The following CDK6 variants were observed in gnomAD, a reference collection of about 807,000 sequenced individuals.
CDK6 encodes cyclin dependent kinase 6, also known as cyclin-dependent kinase 6.
Under a neutral mutation model 37.1 loss-of-function variants are expected in CDK6, and 6 were observed. That is an observed-to-expected ratio of 0.16 (90% CI 0.09 to 0.32). The LOEUF is 0.32. Ranked by LOEUF, CDK6 falls within the 10% of genes least tolerant of loss-of-function variation. The pLI, the probability that CDK6 is intolerant of heterozygous loss-of-function variation, is 1.00. For missense variants in CDK6, 224 were observed against 418.9 expected (o/e 0.53, Z 4.06); for synonymous variants, 160 against 161.3 (o/e 0.99, Z 0.06).
chr7:92,612,423 C>G lies in CDK6; in HGVS notation c.*2717G>C, dbSNP rs1387677664. 4.3e-6 allele frequency: 1 copy of G among 233,050 alleles called. No individual in the cohort carries two copies. The highest frequency in any genetic ancestry group is 8.5e-6 in the Non-Finnish European group (1 of 117,964). The allele number at this position is 233,050 out of a possible 1,614,324, so 14.4% of individuals were successfully genotyped here. A position where few individuals can be genotyped will look rare whatever the true frequency, so the allele number is the denominator to read the frequency against. ...ACTCTACTATCTGCTTCAAAATGCCCTAACGGCAAGACTGCTTGTGTTGGA... is the reference window on the plus strand; with the variant it reads ...ACTCTACTATCTGCTTCAAAATGCCGTAACGGCAAGACTGCTTGTGTTGGA... On this transcript the variant is annotated 3_prime_UTR_variant, in exon 8 of 8. Transcript: ENST00000424848.
intron 5 of CDK6, among the ~76,000 whole-genome samples, chr7:92,629,189 A>G (rs1795997926): frequency 6.6e-6 from 1 of 152,116 alleles, no homozygotes; most frequent in Non-Finnish European, 1.5e-5. Context: ...AACCTCTGCC[A>G]GGGAAGGGAG....
chr7:92,669,053 T>C (rs1797019344), intron 5 of CDK6, among the ~76,000 whole-genome samples: 1 of 152,260 alleles, frequency 6.6e-6, no homozygotes, highest in African/African-American at 2.4e-5. Context: ...TGAAGCAGAC[T>C]GCTGCCACTA....
Position 92,609,435 on chromosome 7 carries a change from T to C in CDK6, c.*5705A>G. 4.3e-6 allele frequency: 1 copy of C among 230,040 alleles called. No homozygotes were observed. Among genetic ancestry groups the C allele is most frequent in the Non-Finnish European group, 8.6e-6 (1 of 116,152 alleles). 14.2% of individuals were successfully genotyped at this position (230,040 alleles called of 1,614,324 possible). A position where few individuals can be genotyped will look rare whatever the true frequency, so the allele number is the denominator to read the frequency against. On this transcript the variant is annotated 3_prime_UTR_variant, in exon 8 of 8. Coordinates refer to ENST00000424848, the MANE Select transcript of CDK6 (RefSeq NM_001145306.2). ...GTTATGCTCATATACTTCAGACTTTTTTTTTTTAATTAGAGCTTCTTATGA... is the reference window on the plus strand; with the variant it reads ...GTTATGCTCATATACTTCAGACTTTCTTTTTTTAATTAGAGCTTCTTATGA...
intron 3 of CDK6, among the ~76,000 whole-genome samples, chr7:92,729,573 C>A (rs1295395765): frequency 1.3e-5 from 2 of 152,062 alleles, no homozygotes; most frequent in Non-Finnish European, 2.9e-5. Context: ...TTGGCAATGC[C>A]CCTAAAAAGA....
intron 2 of CDK6, among the ~76,000 whole-genome samples, chr7:92,829,068 T>C (rs1418733145): frequency 1.3e-5 from 2 of 152,194 alleles, no homozygotes; most frequent in African/African-American, 4.8e-5. Context: ...ACTAATCCAA[T>C]TGAAGACCTG....
rs1290754962 is a variant in CDK6 at position 92,677,501 on chromosome 7, C to T, written c.538-5966G>A. ...AGGTGTGGTGGCACACGCCTGTAAT[C>T]CCTGCTAATAGGGAGGCTGAGGCAG... On this transcript the variant is annotated intron_variant, in intron 4 of 7. Coordinates refer to ENST00000424848, the MANE Select transcript of CDK6 (RefSeq NM_001145306.2). 3.3e-5 allele frequency among the ~76,000 whole-genome samples: 5 copies of T among 152,098 alleles called. No individual in the cohort carries two copies. In the South Asian group the frequency reaches 1.0e-3, roughly 32 times the overall value.
chr7:92,768,676 T>C (rs1057372294), intron 3 of CDK6, among the ~76,000 whole-genome samples: 1 of 152,220 alleles, frequency 6.6e-6, no homozygotes, highest in Admixed American at 6.5e-5. Flanking sequence ...TGCCTTGTTT[T>C]TGGGATCACC....
chr7:92,621,926 CA>C (rs1161370778), intron 6 of CDK6, among the ~76,000 whole-genome samples: 6 of 151,998 alleles, frequency 3.9e-5, no homozygotes, highest in Non-Finnish European at 5.9e-5. Context: ...AGAACAAAAT[CA>C]GGTTCCAGTT....
At chr7:92,722,992 C>T (rs1798402545) in intron 4 of CDK6, among the ~76,000 whole-genome samples, 1 of 152,158 alleles carries the variant, frequency 6.6e-6, no homozygotes, top group African/African-American at 2.4e-5. Flanking sequence ...CAAAACCAGC[C>T]TGGCCAACAT....
chr7:92,669,985 C>A (rs751814125), intron 5 of CDK6, among the ~76,000 whole-genome samples: 2 of 152,208 alleles, frequency 1.3e-5, no homozygotes, highest in Non-Finnish European at 1.5e-5. Flanking sequence ...GGTTCAGGGA[C>A]CATACTTTCA....
chr7:92,704,001 C>T (rs1411833075), intron 4 of CDK6, among the ~76,000 whole-genome samples: 2 of 152,156 alleles, frequency 1.3e-5, no homozygotes, highest in Non-Finnish European at 2.9e-5. Flanking sequence ...CTTGGACAGA[C>T]CAAACTCCCT....
At chr7:92,659,195 TTTGA>T (rs1203248932) in intron 5 of CDK6, among the ~76,000 whole-genome samples, 15 of 152,222 alleles carry the variant, frequency 9.9e-5, no homozygotes, top group African/African-American at 3.6e-4. Flanking sequence ...TATCCTTTTA[TTTGA>T]TGACTTAGAC....
At chr7:92,667,359 A>G (rs948708094) in intron 5 of CDK6, among the ~76,000 whole-genome samples, 5 of 150,986 alleles carry the variant, frequency 3.3e-5, no homozygotes, top group African/African-American at 1.2e-4. Flanking sequence ...TACCATGTTC[A>G]GCTAATTTTT....
chr7:92,689,965 T>C (rs1326300388), intron 4 of CDK6, among the ~76,000 whole-genome samples: 2 of 152,158 alleles, frequency 1.3e-5, no homozygotes, highest in Non-Finnish European at 2.9e-5. Flanking sequence ...TGCCCACTTT[T>C]TTATCGTTTT....
intron 4 of CDK6, among the ~76,000 whole-genome samples, chr7:92,672,882 A>G (rs1169876347): frequency 6.6e-6 from 1 of 152,158 alleles, no homozygotes; most frequent in Non-Finnish European, 1.5e-5. Context: ...GGCTGCCATC[A>G]ATTTCCTTCT....
At chr7:92,810,780 A>C (rs1422187450) in intron 2 of CDK6, among the ~76,000 whole-genome samples, 1 of 152,212 alleles carries the variant, frequency 6.6e-6, no homozygotes, top group African/African-American at 2.4e-5. Flanking sequence ...ACTTCAAAAA[A>C]AGCAATTATA....
At chr7:92,749,472 A>G (rs1457503213) in intron 3 of CDK6, among the ~76,000 whole-genome samples, 1 of 152,180 alleles carries the variant, frequency 6.6e-6, no homozygotes, top group Non-Finnish European at 1.5e-5. Context: ...GACAAAAACA[A>G]AAACAAACCA....
chr7:92,690,855 T>C (rs10267477), intron 4 of CDK6, among the ~76,000 whole-genome samples: 33,136 of 152,036 alleles, frequency 0.22, 5,131 homozygotes, highest in East Asian at 0.49. Flanking sequence ...AAGTTAAGAA[T>C]CCTTCAGGGC....
chr7:92,779,533 T>C (rs1487901557), intron 2 of CDK6, among the ~76,000 whole-genome samples: 1 of 152,208 alleles, frequency 6.6e-6, no homozygotes, highest in Non-Finnish European at 1.5e-5. Flanking sequence ...GCCATTATTA[T>C]TAACTTCATT....
Sources: gnomAD v4.1 joint callset for allele counts (sites outside exome capture counted in the v4.1 genomes callset) on GRCh38, gnomAD v4.1.1 for gene constraint, MANE v1.5 for transcripts, NCBI Gene and HGNC (gene_info 2026-07-23, HGNC 2026-07-21) for gene names.